ADGRG2: variants seen among roughly 807,000 people sequenced by gnomAD.
The protein encoded by ADGRG2 is G protein-coupled receptor 64.
Under a neutral mutation model 74.1 loss-of-function variants are expected in ADGRG2, and 26 were observed. That is an observed-to-expected ratio of 0.35 (90% confidence interval 0.26 to 0.49). The LOEUF is 0.49. Among genes scored for constraint, ADGRG2 ranks in the 20% least tolerant of loss-of-function variants. The pLI is 0.99. For synonymous variants in ADGRG2, 296 were observed against 295.2 expected, an observed-to-expected ratio of 1.00 and a Z score of -0.03; for missense variants, 619 against 763.1, an observed-to-expected ratio of 0.81 and a Z score of 2.22.
intron 2 of ADGRG2, among the ~76,000 whole-genome samples, chrX:19,074,682 G>A (rs781244457): frequency 1.9e-4 from 20 of 103,729 alleles, no homozygotes; most frequent in Admixed American, 3.2e-4. Flanking sequence ...CGATTCTCCT[G>A]TCTCAGCCTC....
chrX:19,026,149 C>T (rs1269307275), intron 11 of ADGRG2, among the ~76,000 whole-genome samples: 1 of 111,896 alleles, frequency 8.9e-6, no homozygotes, highest in Non-Finnish European at 1.9e-5. Flanking sequence ...CTTCTCTCTG[C>T]CTAGGCATTG....
At chrX:19,039,236 T>G (rs1010155142) in intron 4 of ADGRG2, 1 of 329,414 alleles carries the variant, frequency 3.0e-6, no homozygotes, top group African/African-American at 2.7e-5. Context: ...AGAGAATGTG[T>G]GAACACGAGC....
chrX:18,990,728 C>A lies in ADGRG2; in HGVS notation c.*136G>T. 2.4e-6 allele frequency: 1 copy of A among 424,723 alleles called. No homozygotes were observed. Among genetic ancestry groups the A allele is most frequent in the East Asian group, 3.9e-5 (1 of 25,707 alleles). 35.0% of individuals were successfully genotyped at this position (424,723 alleles called of 1,213,427 possible). On this transcript the variant is annotated 3_prime_UTR_variant, in exon 29 of 29. Coordinates refer to ENST00000379869, the MANE Select transcript of ADGRG2 (RefSeq NM_001079858.3). Reference sequence around the variant, plus strand: ...TTCTTCTTGTAATAATAATCATCGCCCTTAATTAGCTTATGCTTCTCCAGA... The same window carrying A: ...TTCTTCTTGTAATAATAATCATCGCACTTAATTAGCTTATGCTTCTCCAGA...
intron 1 of ADGRG2, among the ~76,000 whole-genome samples, chrX:19,084,113 T>C (rs1409202422): frequency 8.9e-6 from 1 of 111,873 alleles, no homozygotes; most frequent in Non-Finnish European, 1.9e-5. Context: ...CATGGAAGAC[T>C]ATGCAGCCAT....
intron 3 of ADGRG2, among the ~76,000 whole-genome samples, chrX:19,041,973 C>T (rs2061075293): frequency 9.0e-6 from 1 of 110,538 alleles, no homozygotes; most frequent in Non-Finnish European, 1.9e-5. Context: ...CCACACCTGG[C>T]TAATTTTTTT....
intron 1 of ADGRG2, among the ~76,000 whole-genome samples, chrX:19,117,802 A>G (rs905399762): frequency 9.0e-6 from 1 of 111,058 alleles, no homozygotes; most frequent in Non-Finnish European, 1.9e-5. Flanking sequence ...TAGTTGACAG[A>G]GCAGGACTCT....
chrX:19,016,946 C>T (rs1006093343), intron 15 of ADGRG2, among the ~76,000 whole-genome samples: 4 of 110,327 alleles, frequency 3.6e-5, no homozygotes, highest in African/African-American at 6.6e-5. Flanking sequence ...CCTGGCTGGT[C>T]GCGAACTCCT....
In ADGRG2 at chrX:18,989,961, G is replaced by C. The variant is rs1335933916; in HGVS notation, c.*903C>G. 2 of 112,313 alleles carry C rather than the reference G, an allele frequency of 1.8e-5. No individual in the cohort carries two copies. The highest frequency in any genetic ancestry group is 6.5e-5 in the African/African-American group (2 of 30,834). The allele number at this position is 112,313 out of a possible 1,213,427, so 9.3% of individuals were successfully genotyped here. A position where few individuals can be genotyped will look rare whatever the true frequency, so the allele number is the denominator to read the frequency against. ...TCTGGATGACAGTTCATCCCTCTCT[G>C]TGGCCAAGGTATAAAGCTAAACATC... On this transcript the variant is annotated 3_prime_UTR_variant, in exon 29 of 29. Transcript: ENST00000379869.
chrX:19,120,762 G>A (rs1288728963), intron 1 of ADGRG2, among the ~76,000 whole-genome samples: 1 of 112,407 alleles, frequency 8.9e-6, no homozygotes, highest in Admixed American at 9.4e-5. Flanking sequence ...TGTCCATGAA[G>A]CCAGCCCTGC....
intron 9 of ADGRG2, among the ~76,000 whole-genome samples, chrX:19,028,508 A>C (rs1601931682): frequency 8.9e-6 from 1 of 111,831 alleles, no homozygotes; most frequent in East Asian, 2.8e-4. Context: ...GAAACAAATA[A>C]AATAGAGACT....
chrX:19,106,422 G>GA (rs1168620985), intron 1 of ADGRG2, among the ~76,000 whole-genome samples: 2 of 110,835 alleles, frequency 1.8e-5, no homozygotes, highest in Non-Finnish European at 3.8e-5. Flanking sequence ...GAAGCCAGGA[G>GA]AAAAAAGAGT....
At chrX:19,066,095 G>A (rs752198520) in intron 3 of ADGRG2, among the ~76,000 whole-genome samples, 25 of 112,216 alleles carry the variant, frequency 2.2e-4, no homozygotes, top group African/African-American at 8.1e-4. Context: ...TGATCCACCC[G>A]CCTCGGCCTC....
At chrX:19,092,875 T>G (rs944157186) in intron 1 of ADGRG2, among the ~76,000 whole-genome samples, 1 of 111,520 alleles carries the variant, frequency 9.0e-6, no homozygotes, top group African/African-American at 3.3e-5. Flanking sequence ...CGGCACTTTG[T>G]ATTCCCCTCC....
chrX:19,010,602 C>T lies in ADGRG2; in HGVS notation c.1265+11G>A, dbSNP rs766650728. 8.4e-6 allele frequency: 10 copies of T among 1,191,685 alleles called. No individual in the cohort carries two copies. The highest frequency in any genetic ancestry group is 2.3e-5 in the Admixed American group (1 of 44,223). The stretch of plus-strand genomic sequence containing the variant: ...CCCCTCTTACCACCACTTCAGTTTG[C>T]GAAGTCGTACCTTTGAGCCAGAGGG... On this transcript the variant is annotated intron_variant, in intron 17 of 28. Transcript: ENST00000379869.
intron 15 of ADGRG2, among the ~76,000 whole-genome samples, chrX:19,019,198 C>T (rs925805989): frequency 5.2e-4 from 58 of 112,060 alleles, no homozygotes; most frequent in African/African-American, 1.8e-3. Flanking sequence ...ACAGAAAAGA[C>T]ATGTACATGT....
intron 1 of ADGRG2, among the ~76,000 whole-genome samples, chrX:19,083,170 A>ATTTTTTTTTT (rs58522004): frequency 1.8e-4 from 15 of 83,152 alleles, no homozygotes; most frequent in African/African-American, 3.3e-4. Context: ...CACCCGGCTA[A>ATTTTTTTTTT]TTTTTTTTTT....
At chrX:19,071,853 T>C (rs2061658812) in intron 2 of ADGRG2, among the ~76,000 whole-genome samples, 1 of 111,476 alleles carries the variant, frequency 9.0e-6, no homozygotes, top group African/African-American at 3.3e-5. Context: ...GAAGGCATTA[T>C]TGAGTGAACT....
At chrX:19,114,031 C>G (rs1325160781) in intron 1 of ADGRG2, among the ~76,000 whole-genome samples, 1 of 100,912 alleles carries the variant, frequency 9.9e-6, no homozygotes, top group Non-Finnish European at 2.0e-5. Flanking sequence ...GAGATTGCAC[C>G]ACTGCACTCC....
intron 18 of ADGRG2, among the ~76,000 whole-genome samples, chrX:19,008,507 A>C (rs749979928): frequency 1.8e-5 from 2 of 110,639 alleles, no homozygotes; most frequent in Admixed American, 1.9e-4. Flanking sequence ...CTCTACTAAA[A>C]ATACAAAAAT....
Sources: gnomAD v4.1 joint callset for allele counts (sites outside exome capture counted in the v4.1 genomes callset) on GRCh38, gnomAD v4.1.1 for gene constraint, MANE v1.5 for transcripts, NCBI Gene and HGNC (gene_info 2026-07-23, HGNC 2026-07-21) for gene names.